CENPP: variants seen among roughly 807,000 people sequenced by gnomAD.
CENPP encodes centromere protein P.
In CENPP, 24 loss-of-function variants were observed where a neutral mutation model predicts 35.6. The observed-to-expected ratio is 0.67, with a 90% CI of 0.49 to 0.95. CENPP has a LOEUF of 0.95. CENPP is among the 40% of genes least tolerant of loss of function. The probability of loss-of-function intolerance (pLI) is 0.00; values close to 1 mark genes in which losing one functional copy is unlikely to be tolerated. For synonymous variants in CENPP, 120 were observed against 125.5 expected (o/e 0.96, Z 0.29); for missense variants, 332 against 345.3 (o/e 0.96, Z 0.31).
At chr9:92,407,700 G>A (rs570383364) in intron 5 of CENPP, among the ~76,000 whole-genome samples, 2 of 152,228 alleles carry the variant, frequency 1.3e-5, no homozygotes, top group East Asian at 3.9e-4. Flanking sequence ...TCAACTTTGT[G>A]GGCCCAAATG....
chr9:92,448,162 TG>T (rs770911938), intron 5 of CENPP, among the ~76,000 whole-genome samples: 7 of 152,198 alleles, frequency 4.6e-5, no homozygotes, highest in Admixed American at 6.5e-5. Flanking sequence ...AAATGAAGAC[TG>T]CAGCATTGTA....
chr9:92,588,699 G>T (rs1047614369), intron 5 of CENPP, among the ~76,000 whole-genome samples: 3 of 152,112 alleles, frequency 2.0e-5, no homozygotes, highest in African/African-American at 7.2e-5. Flanking sequence ...ACCCATAAGA[G>T]AATCACTTCA....
chr9:92,480,817 A>G (rs1350429261), intron 5 of CENPP, among the ~76,000 whole-genome samples: 5 of 152,180 alleles, frequency 3.3e-5, no homozygotes, highest in Admixed American at 6.5e-5. Context: ...CATATATTTC[A>G]CCGAAGGAAT....
Position 92,619,434 on chromosome 9 carries a change from T to C in CENPP, c.*6285T>C. ...TATCCTATTAACAATTCACCAACTG[T>C]CCATAAAACCCCGTTAGACCCAGGC... On this transcript the variant is annotated 3_prime_UTR_variant, in exon 8 of 8. Transcript: ENST00000375587. 1 of 1,387,592 alleles carries C rather than the reference T, an allele frequency of 7.2e-7. No homozygotes were observed. The highest frequency in any genetic ancestry group is 1.2e-5 in the South Asian group (1 of 80,986). The allele number at this position is 1,387,592 out of a possible 1,614,324, so 86.0% of individuals were successfully genotyped here. A position where few individuals can be genotyped will look rare whatever the true frequency, so the allele number is the denominator to read the frequency against.
intron 5 of CENPP, chr9:92,517,832 G>T: frequency 6.2e-7 from 1 of 1,614,178 alleles, no homozygotes; most frequent in Non-Finnish European, 8.5e-7. Context: ...ACACAGCTTT[G>T]TTGTACATGG....
At chr9:92,574,934 G>T (rs1850242594) in intron 5 of CENPP, among the ~76,000 whole-genome samples, 1 of 152,158 alleles carries the variant, frequency 6.6e-6, no homozygotes, top group Non-Finnish European at 1.5e-5. Flanking sequence ...AATGAATTTT[G>T]ACTAATGTGC....
intron 5 of CENPP, among the ~76,000 whole-genome samples, chr9:92,412,298 G>A (rs941730908): frequency 6.6e-6 from 1 of 151,936 alleles, no homozygotes; most frequent in Non-Finnish European, 1.5e-5. Context: ...TGTTGCCTAG[G>A]CCAGTCTTGA....
chr9:92,613,022 T>A lies in CENPP; in HGVS notation c.740T>A (p.Leu247Gln). 6.2e-7 allele frequency: 1 copy of A among 1,614,166 alleles called. No individual in the cohort carries two copies. Among genetic ancestry groups the A allele is most frequent in the Non-Finnish European group, 8.5e-7 (1 of 1,180,018 alleles). Residue 247 changes from leucine to glutamine, a missense_variant, in exon 8 of 8, where the codon CTG (leucine) becomes CAG (glutamine). Leu to Gln is a moderately radical substitution (Grantham distance 113). Coordinates refer to ENST00000375587, the MANE Select transcript of CENPP (RefSeq NM_001012267.3). ...DLLTKVPQRA[L>Q]ELDKNRAIET... The stretch of plus-strand genomic sequence containing the variant: ...CGGTTTAATGTTTTCTTTATAGCCC[T>A]GGAGCTGGACAAGAACAGAGCCATA...
At chr9:92,432,299 T>C (rs562971467) in intron 5 of CENPP, among the ~76,000 whole-genome samples, 3 of 151,448 alleles carry the variant, frequency 2.0e-5, no homozygotes, top group African/African-American at 7.3e-5. Flanking sequence ...CACTCCAGCC[T>C]GGGCGACAAG....
chr9:92,340,865 AAG>A (rs1328795969), intron 3 of CENPP, among the ~76,000 whole-genome samples: 1 of 152,318 alleles, frequency 6.6e-6, no homozygotes, highest in East Asian at 1.9e-4. Context: ...ATCTTGGAAA[AAG>A]AACAGGATAA....
chr9:92,447,086 C>T (rs1454915924), intron 5 of CENPP, among the ~76,000 whole-genome samples: 1 of 152,052 alleles, frequency 6.6e-6, no homozygotes, highest in African/African-American at 2.4e-5. Context: ...TCCTCTTTAA[C>T]ATAGTGTAGC....
chr9:92,356,654 C>A (rs1300231704), intron 4 of CENPP, among the ~76,000 whole-genome samples: 2 of 151,666 alleles, frequency 1.3e-5, no homozygotes, highest in Non-Finnish European at 2.9e-5. Context: ...AAAATGAAAT[C>A]TTCACAATTT....
At chr9:92,442,213 C>T (rs1217670275) in intron 5 of CENPP, among the ~76,000 whole-genome samples, 2 of 151,790 alleles carry the variant, frequency 1.3e-5, no homozygotes, top group Non-Finnish European at 2.9e-5. Flanking sequence ...GCCTGACCAA[C>T]ATGGAGAAAC....
intron 5 of CENPP, among the ~76,000 whole-genome samples, chr9:92,396,456 T>C (rs542316890): frequency 6.6e-6 from 1 of 152,256 alleles, no homozygotes; most frequent in East Asian, 1.9e-4. Flanking sequence ...ATCTTAATGA[T>C]ATTGAATCTT....
intron 5 of CENPP, among the ~76,000 whole-genome samples, chr9:92,609,579 A>G (rs370745216): frequency 2.0e-5 from 3 of 152,342 alleles, no homozygotes; most frequent in Admixed American, 1.3e-4. Flanking sequence ...CCAGGCTTCT[A>G]TATCAGTCGC....
intron 5 of CENPP, among the ~76,000 whole-genome samples, chr9:92,544,248 C>T (rs1374840406): frequency 6.6e-6 from 1 of 152,166 alleles, no homozygotes; most frequent in East Asian, 1.9e-4. Flanking sequence ...GGCTGAGGCA[C>T]GTGGATCACT....
chr9:92,511,942 C>G, intron 5 of CENPP: 4 of 1,197,554 alleles, frequency 3.3e-6, no homozygotes, highest in Non-Finnish European at 4.7e-6. Flanking sequence ...CCTCCCTTCC[C>G]CATCTCCAAC....
chr9:92,521,978 A>C (rs879132228), intron 5 of CENPP, among the ~76,000 whole-genome samples: 3 of 152,272 alleles, frequency 2.0e-5, no homozygotes, highest in African/African-American at 7.2e-5. Flanking sequence ...AATGATAACT[A>C]TGATTTTGTA....
chr9:92,438,239 C>A (rs1410184464), intron 5 of CENPP, among the ~76,000 whole-genome samples: 2 of 152,062 alleles, frequency 1.3e-5, no homozygotes, highest in African/African-American at 4.8e-5. Context: ...ATATTTAGGT[C>A]TATGATCTGT....
Sources: allele counts gnomAD v4.1 joint callset (sites outside exome capture counted in the v4.1 genomes callset), GRCh38; gene constraint gnomAD v4.1.1; transcripts MANE v1.5; gene names NCBI Gene and HGNC (gene_info 2026-07-23, HGNC 2026-07-21).